The following MICAL3 variants were observed in gnomAD, a reference collection of about 807,000 sequenced individuals.
MICAL3 encodes the protein [F-actin]-monooxygenase MICAL3.
A neutral mutation model predicts 207.4 loss-of-function variants in MICAL3; 62 were observed. The observed-to-expected ratio is 0.30, with a 90% CI of 0.24 to 0.37. MICAL3 has a LOEUF of 0.37. Ranked by LOEUF, MICAL3 falls within the 10% of genes least tolerant of loss-of-function variation. MICAL3 has a pLI of 1.00. For synonymous variants in MICAL3, 1,077 were observed against 1,069.3 expected (o/e 1.01, Z -0.14); for missense variants, 2,368 against 2,635.6 (o/e 0.90, Z 2.22).
At chr22:17,797,278 G>A (rs750527707) in intron 29 of MICAL3, among the ~76,000 whole-genome samples, 1 of 152,164 alleles carries the variant, frequency 6.6e-6, no homozygotes, top group Non-Finnish European at 1.5e-5. Flanking sequence ...AGGGTGAGAT[G>A]ACTGCTGAAC....
At chr22:17,892,831 C>T (rs934637897) in intron 11 of MICAL3, among the ~76,000 whole-genome samples, 6 of 152,210 alleles carry the variant, frequency 3.9e-5, no homozygotes, top group South Asian at 4.1e-4. Flanking sequence ...ACCTCTCAAC[C>T]CTCTCAGCCC....
intron 1 of MICAL3, among the ~76,000 whole-genome samples, chr22:17,942,126 G>GT (rs1435945032): frequency 6.6e-6 from 1 of 152,230 alleles, no homozygotes; most frequent in African/African-American, 2.4e-5. Flanking sequence ...TGAACCAGCT[G>GT]TAACATTCTG....
Position 17,906,674 on chromosome 22 carries a change from G to C in MICAL3, c.139C>G (p.Arg47Gly). Residue 47 changes from arginine (R) to glycine (G), a missense_variant, in exon 2 of 32, where the codon CGC becomes GGC. Arg to Gly is a moderately radical substitution (Grantham distance 125, BLOSUM62 -2). Coordinates refer to ENST00000441493, the MANE Select transcript of MICAL3 (RefSeq NM_015241.3). Reference protein sequence around the residue: ...DHLELKPKDYRSFYHKLKSKL... With the variant: ...DHLELKPKDYGSFYHKLKSKL... The stretch of plus-strand genomic sequence containing the variant: ...GACTTGAGCTTGTGATAGAAGGAGC[G>C]GTAGTCCTTTGGCTTTAGTTCCAGG... 1.2e-6 allele frequency: 2 copies of C among 1,613,966 alleles called. No homozygotes were observed. Among genetic ancestry groups the C allele is most frequent in the Non-Finnish European group, 1.7e-6 (2 of 1,179,866 alleles).
At chr22:17,925,032 G>A (rs1932884733) in intron 1 of MICAL3, among the ~76,000 whole-genome samples, 1 of 152,118 alleles carries the variant, frequency 6.6e-6, no homozygotes, top group Admixed American at 6.5e-5. Flanking sequence ...AGAGTCCTGG[G>A]ATCCGAATAA....
chr22:17,899,582 T>C (rs1931151643), intron 6 of MICAL3, 34 bp from the exon 7 acceptor site: 3 of 1,405,570 alleles, frequency 2.1e-6, no homozygotes, highest in Admixed American at 1.9e-5. Context: ...GCATGTAAGT[T>C]TGCTGAGATG....
chr22:17,895,530 T>C, intron 9 of MICAL3, 120 bp from the exon 10 acceptor site: 1 of 1,176,938 alleles, frequency 8.5e-7, no homozygotes. Context: ...ATCCTCATCC[T>C]TGACCAGTCT....
chr22:17,833,265 C>T (rs905098679), intron 20 of MICAL3, among the ~76,000 whole-genome samples: 2 of 152,150 alleles, frequency 1.3e-5, no homozygotes, highest in South Asian at 2.1e-4. Flanking sequence ...CTGAGTGTTT[C>T]GTGGTCTGAT....
intron 15 of MICAL3, 122 bp downstream of exon 15, chr22:17,887,048 C>T (rs1929981084): frequency 3.1e-6 from 1 of 318,094 alleles, no homozygotes; most frequent in Admixed American, 5.7e-5. Flanking sequence ...AAAAGCCCAA[C>T]AGAAATTCTC....
intron 1 of MICAL3, among the ~76,000 whole-genome samples, chr22:17,985,057 C>G (rs1437007438): frequency 6.6e-6 from 1 of 152,216 alleles, no homozygotes; most frequent in African/African-American, 2.4e-5. Flanking sequence ...ACATTTTAAA[C>G]TGGGAGGCAT....
chr22:17,889,673 G>C (rs1401599827), intron 12 of MICAL3, among the ~76,000 whole-genome samples: 1 of 152,066 alleles, frequency 6.6e-6, no homozygotes, highest in Non-Finnish European at 1.5e-5. Flanking sequence ...TAGGCATGGC[G>C]GCATATGCCT....
At chr22:17,950,166 A>ATTTTTTTTTTTTTTT (rs10657913) in intron 1 of MICAL3, among the ~76,000 whole-genome samples, 131 of 143,984 alleles carry the variant, frequency 9.1e-4, no homozygotes, top group Middle Eastern at 3.5e-3. Context: ...ACAGCTGTCT[A>ATTTTTTTTTTTTTTT]TTTTTTTTTT....
rs1442163160 is a variant in MICAL3 at position 17,887,328 on chromosome 22, G to C, written c.1999C>G (p.Pro667Ala). 6.2e-7 allele frequency: 1 copy of C among 1,613,614 alleles called. No individual in the cohort carries two copies. Among genetic ancestry groups the C allele is most frequent in the Non-Finnish European group, 8.5e-7 (1 of 1,179,594 alleles). Residue 667 changes from proline (P) to alanine (A), a missense_variant, in exon 14 of 32, where the codon CCC (proline) becomes GCC (alanine). This residue lies in a region of MICAL3 where 1,770 missense variants were observed against 1,863.2 expected (regional missense o/e 0.95). Coordinates refer to ENST00000441493, the MANE Select transcript of MICAL3 (RefSeq NM_015241.3). ...CAAGAGACTCCTCCACATACCTTGG[G>C]AGAACGCTTCCGAGAGATGGTCTGG... Reference protein sequence around the residue: ...LGQTISRKRSPKDKKEKDLDG... With the variant: ...LGQTISRKRSAKDKKEKDLDG...
At chr22:17,980,107 G>A (rs1408003464) in intron 1 of MICAL3, among the ~76,000 whole-genome samples, 1 of 105,640 alleles carries the variant, frequency 9.5e-6, no homozygotes, top group Non-Finnish European at 2.5e-5. Context: ...AGGATTACAG[G>A]GGTGAACCAC....
intron 22 of MICAL3, among the ~76,000 whole-genome samples, chr22:17,825,250 C>T (rs146035002): frequency 3.3e-5 from 5 of 152,142 alleles, no homozygotes; most frequent in East Asian, 1.9e-4. Flanking sequence ...AAGGAAAAAT[C>T]GTCACAGATA....
rs1244670464 is a variant in MICAL3 at position 17,824,539 on chromosome 22, T to C, written c.3194-1479A>G. Among the ~76,000 whole-genome samples, 8 of 152,240 alleles carry C rather than the reference T, an allele frequency of 5.3e-5. 1 individual carries two copies. The stretch of plus-strand genomic sequence containing the variant: ...ATTCCTTAAGCTTATTTTTATCTTT[T>C]ATGCACAGTTTGTAAGATGACGGTT... On this transcript the variant is annotated intron_variant, in intron 22 of 31. Transcript: ENST00000441493.
rs1293035819 is a variant in MICAL3 at position 17,790,511 on chromosome 22, A to G, written c.*221T>C. The G allele has an allele frequency of 1.2e-5, 7 of 575,728 alleles. No individual in the cohort carries two copies. In the East Asian group the frequency reaches 1.7e-4, roughly 14 times the overall value. 35.7% of individuals were successfully genotyped at this position (575,728 alleles called of 1,614,324 possible). A position where few individuals can be genotyped will look rare whatever the true frequency, so the allele number is the denominator to read the frequency against. On this transcript the variant is annotated 3_prime_UTR_variant, in exon 32 of 32. Transcript: ENST00000441493. ...TGCTGCTCCTCTGAGTGGGAGGTCC[A>G]GGTGGGCCTCCTCCCAGGAGGTGGA...
chr22:17,804,096 T>C (rs1311511797), intron 29 of MICAL3, among the ~76,000 whole-genome samples: 1 of 152,138 alleles, frequency 6.6e-6, no homozygotes, highest in African/African-American at 2.4e-5. Context: ...GGGCGGTAAC[T>C]AAAACTCACT....
At chr22:18,003,590 TA>T (rs1923184373) in intron 1 of MICAL3, among the ~76,000 whole-genome samples, 1 of 152,168 alleles carries the variant, frequency 6.6e-6, no homozygotes, top group African/African-American at 2.4e-5. Context: ...TCAGACTTTC[TA>T]ACCACTCCTT....
chr22:17,954,517 T>A (rs1202663995), intron 1 of MICAL3, among the ~76,000 whole-genome samples: 2 of 152,174 alleles, frequency 1.3e-5, no homozygotes, highest in Non-Finnish European at 2.9e-5. Context: ...TGAGGGTTTC[T>A]GGCTAAACCA....
Sources: allele counts gnomAD v4.1 joint callset (sites outside exome capture counted in the v4.1 genomes callset), GRCh38; gene constraint gnomAD v4.1.1; regional missense constraint gnomAD v4.1.1; transcripts MANE v1.5; gene names NCBI Gene and HGNC (gene_info 2026-07-23, HGNC 2026-07-21).